The following TRDN variants were observed in gnomAD, a reference collection of about 807,000 sequenced individuals.
TRDN encodes triadin in skeletal muscle.
Under a neutral mutation model 149.7 loss-of-function variants are expected in TRDN, and 161 were observed. The observed-to-expected ratio is 1.08, with a 90% CI of 0.95 to 1.23. TRDN has a LOEUF of 1.23. Among genes scored for constraint, TRDN ranks in the 50% most tolerant of loss-of-function variants. The pLI, the probability that TRDN is intolerant of heterozygous loss-of-function variation, is 0.00. For synonymous variants in TRDN, 294 were observed against 250.5 expected, an observed-to-expected ratio of 1.17 and a Z score of -1.64; for missense variants, 896 against 823.5, an observed-to-expected ratio of 1.09 and a Z score of -1.08.
intron 10 of TRDN, chr6:123,464,503 C>T (rs553544513): frequency 7.1e-5 from 71 of 996,902 alleles, no homozygotes; most frequent in Admixed American, 2.2e-4. Context: ...AATAACTTTC[C>T]AAATTTACAA....
At chr6:123,336,072 C>T (rs1779854627) in intron 22 of TRDN, among the ~76,000 whole-genome samples, 1 of 151,946 alleles carries the variant, frequency 6.6e-6, no homozygotes. Context: ...AGCAAAAGAA[C>T]TTAGACTATT....
intron 38 of TRDN, among the ~76,000 whole-genome samples, chr6:123,246,327 G>A (rs1776178398): frequency 6.6e-6 from 1 of 151,112 alleles, no homozygotes; most frequent in Non-Finnish European, 1.5e-5. Context: ...TAGCAAAATA[G>A]ACCACTAGCC....
intron 24 of TRDN, among the ~76,000 whole-genome samples, chr6:123,287,996 C>A (rs1777861167): frequency 2.0e-5 from 3 of 151,160 alleles, no homozygotes; most frequent in Admixed American, 2.0e-4. Context: ...GCATTAAAAG[C>A]AAACAAAATG....
chr6:123,513,961 C>G (rs573635452), intron 6 of TRDN, among the ~76,000 whole-genome samples: 30 of 152,182 alleles, frequency 2.0e-4, no homozygotes, highest in African/African-American at 7.0e-4. Context: ...GCCCAGCTAT[C>G]CTAGACACAA....
chr6:123,426,113 G>A (rs1382938517), intron 12 of TRDN, among the ~76,000 whole-genome samples: 1 of 152,096 alleles, frequency 6.6e-6, no homozygotes, highest in East Asian at 1.9e-4. Context: ...CCACTGTATT[G>A]CATTGTCTTC....
chr6:123,337,192 G>A (rs2066092208), intron 22 of TRDN, among the ~76,000 whole-genome samples: 1 of 151,916 alleles, frequency 6.6e-6, no homozygotes, highest in African/African-American at 2.4e-5. Flanking sequence ...CTTCCTATTT[G>A]TAGCTTTGCC....
At chr6:123,384,773 G>A (rs558284981) in intron 14 of TRDN, among the ~76,000 whole-genome samples, 3 of 152,282 alleles carry the variant, frequency 2.0e-5, no homozygotes, top group Non-Finnish European at 2.9e-5. Flanking sequence ...GGAGTCAATA[G>A]TGCAACAGAA....
chr6:123,503,374 AG>A (rs2114831526), intron 8 of TRDN: 1 of 985,358 alleles, frequency 1.0e-6, no homozygotes, highest in South Asian at 4.7e-5. Flanking sequence ...TTTCCTCCAA[AG>A]AGTATGACAC....
chr6:123,560,820 A>T (rs949922926), intron 2 of TRDN, among the ~76,000 whole-genome samples: 4 of 151,950 alleles, frequency 2.6e-5, no homozygotes, highest in Non-Finnish European at 5.9e-5. Context: ...TCATTTCATA[A>T]CCTCTTCCAT....
chr6:123,218,419 C>T lies in TRDN; in HGVS notation c.*182G>A. 1 of 624,814 alleles carries T rather than the reference C, an allele frequency of 1.6e-6. No individual in the cohort carries two copies. The allele number at this position is 624,814 out of a possible 1,614,324, so 38.7% of individuals were successfully genotyped here. A position where few individuals can be genotyped will look rare whatever the true frequency, so the allele number is the denominator to read the frequency against. The stretch of plus-strand genomic sequence containing the variant: ...ATAACAGATTCTTGAGACTTAGACC[C>T]TTAAACATGTCTGCTCATCACTCAA... On this transcript the variant is annotated 3_prime_UTR_variant, in exon 41 of 41. Transcript: ENST00000334268.
rs934827166 is a variant in TRDN at position 123,503,195 on chromosome 6, A to G, written c.793+524T>C. ...AAACTTGAGAACTGTCTTCTCTATA[A>G]CATCTTGCCTATTAAATAAATTTAA... On this transcript the variant is annotated intron_variant, in intron 8 of 40. Coordinates refer to ENST00000334268, the MANE Select transcript of TRDN (RefSeq NM_006073.4). 1.4e-5 allele frequency: 14 copies of G among 984,652 alleles called. No homozygotes were observed. In the African/African-American group the frequency reaches 2.1e-4, roughly 15 times the overall value. 61.0% of individuals were successfully genotyped at this position (984,652 alleles called of 1,614,324 possible). A position where few individuals can be genotyped will look rare whatever the true frequency, so the allele number is the denominator to read the frequency against.
At chr6:123,224,572 A>T (rs1775286758) in intron 38 of TRDN, among the ~76,000 whole-genome samples, 1 of 151,934 alleles carries the variant, frequency 6.6e-6, no homozygotes, top group South Asian at 2.1e-4. Context: ...AGCCTTTTTG[A>T]CAATTCTAAA....
chr6:123,368,270 G>A (rs1006076366), intron 19 of TRDN, among the ~76,000 whole-genome samples: 1 of 152,106 alleles, frequency 6.6e-6, no homozygotes, highest in Non-Finnish European at 1.5e-5. Flanking sequence ...CATGCTATCA[G>A]GTTGCACCAC....
chr6:123,552,171 G>T (rs910677765), intron 2 of TRDN, among the ~76,000 whole-genome samples: 1 of 152,114 alleles, frequency 6.6e-6, no homozygotes, highest in Non-Finnish European at 1.5e-5. Context: ...GTTTCTTCCA[G>T]AAAAATATAC....
chr6:123,465,582 C>CAAAAAAAAAA (rs1223948612), intron 9 of TRDN, among the ~76,000 whole-genome samples: 2 of 65,512 alleles, frequency 3.1e-5, no homozygotes, highest in Admixed American at 1.8e-4. Context: ...TTATGAACTG[C>CAAAAAAAAAA]AAAAAAAAAA....
intron 9 of TRDN, among the ~76,000 whole-genome samples, chr6:123,477,340 C>T (rs1233127947): frequency 2.1e-5 from 3 of 144,330 alleles, no homozygotes; most frequent in Admixed American, 1.4e-4. Flanking sequence ...CAGAGAAATA[C>T]AAATCAAAAC....
intron 9 of TRDN, chr6:123,470,112 ATTC>A (rs1367206229): frequency 6.6e-6 from 1 of 152,094 alleles, no homozygotes; most frequent in East Asian, 1.9e-4. Flanking sequence ...CCGTACCCTT[ATTC>A]TTTTATTTAT....
At chr6:123,384,819 T>C (rs1047529560) in intron 14 of TRDN, among the ~76,000 whole-genome samples, 57 of 152,164 alleles carry the variant, frequency 3.7e-4, no homozygotes, top group African/African-American at 1.3e-3. Flanking sequence ...CTTAAAAATA[T>C]AGTGCTTGGA....
intron 2 of TRDN, among the ~76,000 whole-genome samples, chr6:123,553,030 C>T (rs1266197464): frequency 6.6e-6 from 1 of 152,164 alleles, no homozygotes; most frequent in Non-Finnish European, 1.5e-5. Flanking sequence ...GCATAAGGAT[C>T]TTATGCGTAA....
Sources: allele counts gnomAD v4.1 joint callset (sites outside exome capture counted in the v4.1 genomes callset), GRCh38; gene constraint gnomAD v4.1.1; transcripts MANE v1.5; gene names NCBI Gene and HGNC (gene_info 2026-07-23, HGNC 2026-07-21).